The following HTR4 variants were observed in gnomAD, a reference collection of about 807,000 sequenced individuals.
HTR4 encodes 5-hydroxytryptamine (serotonin) receptor 4, G protein-coupled.
Under a neutral mutation model 36.8 loss-of-function variants are expected in HTR4, and 16 were observed. The observed-to-expected ratio is 0.43, with a 90% CI of 0.29 to 0.66. HTR4 has a LOEUF of 0.66. HTR4 is among the 30% of genes least tolerant of loss of function. The pLI is 0.13. For synonymous variants in HTR4, 189 were observed against 185.1 expected (o/e 1.02, Z -0.17); for missense variants, 438 against 490.9 (o/e 0.89, Z 1.02).
intron 2 of HTR4, among the ~76,000 whole-genome samples, chr5:148,623,649 A>AT (rs1164022596): frequency 6.6e-6 from 1 of 152,144 alleles, no homozygotes; most frequent in Non-Finnish European, 1.5e-5. Context: ...CAGGACAGGA[A>AT]TTTTCAAGCC....
chr5:148,572,125 G>A (rs931086274), intron 2 of HTR4, among the ~76,000 whole-genome samples: 2 of 152,016 alleles, frequency 1.3e-5, no homozygotes, highest in Admixed American at 1.3e-4. Flanking sequence ...ATATAATAAG[G>A]GTATCCCCTT....
chr5:148,496,090 A>G (rs964877219), intron 6 of HTR4, among the ~76,000 whole-genome samples: 1 of 152,170 alleles, frequency 6.6e-6, no homozygotes, highest in African/African-American at 2.4e-5. Context: ...ACAGTGTGAG[A>G]CTCCGCCTCA....
intron 6 of HTR4, among the ~76,000 whole-genome samples, chr5:148,491,835 C>T (rs1468529092): frequency 6.6e-6 from 1 of 152,140 alleles, no homozygotes; most frequent in East Asian, 1.9e-4. Flanking sequence ...AGAAGACAGG[C>T]CTCCTGCTCT....
At chr5:148,499,715 A>T (rs1024322525) in intron 6 of HTR4, among the ~76,000 whole-genome samples, 4 of 152,200 alleles carry the variant, frequency 2.6e-5, no homozygotes, top group Admixed American at 6.5e-5. Context: ...GTTGAAGTGT[A>T]ATCTCCAGAG....
chr5:148,516,365 G>T (rs1178105123), intron 5 of HTR4, among the ~76,000 whole-genome samples: 2 of 135,098 alleles, frequency 1.5e-5, no homozygotes, highest in African/African-American at 5.6e-5. Context: ...TGTCACCCAG[G>T]CTGGAGTGCA....
At position 148,482,234 on chromosome 5, in the gene HTR4, C is replaced by G; in HGVS notation, c.*969G>C. On this transcript the variant is annotated 3_prime_UTR_variant, in exon 7 of 7. Coordinates refer to ENST00000377888, the MANE Select transcript of HTR4 (RefSeq NM_000870.7). ...AAATGAGTTTCCCCAGTGTGAACTTCCAACAGTTATCTCCTTTGGCAGCAA... is the reference window on the plus strand; with the variant it reads ...AAATGAGTTTCCCCAGTGTGAACTTGCAACAGTTATCTCCTTTGGCAGCAA... 1.0e-6 allele frequency: 1 copy of G among 985,522 alleles called. No individual in the cohort carries two copies. Among genetic ancestry groups the G allele is most frequent in the Non-Finnish European group, 1.2e-6 (1 of 830,034 alleles). 61.0% of individuals were successfully genotyped at this position (985,522 alleles called of 1,614,324 possible). A position where few individuals can be genotyped will look rare whatever the true frequency, so the allele number is the denominator to read the frequency against.
At chr5:148,551,372 C>T (rs1050173411) in intron 2 of HTR4, among the ~76,000 whole-genome samples, 5 of 152,256 alleles carry the variant, frequency 3.3e-5, no homozygotes, top group Non-Finnish European at 4.4e-5. Flanking sequence ...CCTTTCACCA[C>T]CCTGATCATT....
intron 4 of HTR4, among the ~76,000 whole-genome samples, chr5:148,524,062 A>C (rs1228941691): frequency 6.6e-6 from 1 of 151,762 alleles, no homozygotes; most frequent in African/African-American, 2.4e-5. Context: ...GCTGAATCAA[A>C]CTCACCTGAG....
At chr5:148,516,591 T>C (rs907521119) in intron 5 of HTR4, among the ~76,000 whole-genome samples, 1 of 151,900 alleles carries the variant, frequency 6.6e-6, no homozygotes, top group Non-Finnish European at 1.5e-5. Flanking sequence ...GTGCTGGGAT[T>C]ACAGGCGTGA....
intron 5 of HTR4, among the ~76,000 whole-genome samples, chr5:148,457,323 C>T (rs141850812): frequency 6.6e-6 from 1 of 152,238 alleles, no homozygotes; most frequent in Non-Finnish European, 1.5e-5. Context: ...CAAGCGACAA[C>T]TCCCTTCAAG....
intron 5 of HTR4, among the ~76,000 whole-genome samples, chr5:148,454,015 T>C (rs564037368): frequency 3.3e-5 from 5 of 152,320 alleles, no homozygotes; most frequent in African/African-American, 1.2e-4. Context: ...TTCACAACTT[T>C]TCTCAGGCCC....
intron 6 of HTR4, among the ~76,000 whole-genome samples, chr5:148,505,790 A>G (rs1757168542): frequency 6.6e-6 from 1 of 152,228 alleles, no homozygotes; most frequent in Admixed American, 6.5e-5. Context: ...CAAAGAGAAT[A>G]AAATACCTAG....
intron 2 of HTR4, among the ~76,000 whole-genome samples, chr5:148,561,152 G>A (rs1760186358): frequency 6.6e-6 from 1 of 152,142 alleles, no homozygotes. Context: ...CTGCAAACAT[G>A]CAGAGTAAAA....
chr5:148,629,348 T>C lies in HTR4; in HGVS notation c.26+7641A>G, dbSNP rs1431543256. 5 of 152,202 alleles carry C rather than the reference T, an allele frequency of 3.3e-5. No individual in the cohort carries two copies. The East Asian group carries it at 9.6e-4, about 29-fold the overall frequency. The allele number at this position is 152,202 out of a possible 1,614,324, so 9.4% of individuals were successfully genotyped here. On this transcript the variant is annotated intron_variant, in intron 2 of 6. Transcript: ENST00000377888. Reference sequence around the variant, plus strand: ...ACAATGCTTGCTTCTGAAATACTTCTATCTCAAGCAATTTTAGTATGGGGC... The same window carrying C: ...ACAATGCTTGCTTCTGAAATACTTCCATCTCAAGCAATTTTAGTATGGGGC...
chr5:148,467,609 A>G (rs1755461285), intron 5 of HTR4, among the ~76,000 whole-genome samples: 1 of 152,222 alleles, frequency 6.6e-6, no homozygotes, highest in South Asian at 2.1e-4. Context: ...TTAAGATGAA[A>G]TCTAAGGTAT....
chr5:148,629,686 TCAAG>T (rs1346990201), intron 2 of HTR4: 3 of 152,126 alleles, frequency 2.0e-5, no homozygotes, highest in African/African-American at 7.2e-5. Context: ...CTTCCTGCAG[TCAAG>T]CAGATTGAGA....
chr5:148,545,224 A>T (rs891769797), intron 4 of HTR4, among the ~76,000 whole-genome samples: 1 of 151,964 alleles, frequency 6.6e-6, no homozygotes, highest in South Asian at 2.1e-4. Context: ...AACAAAAGAA[A>T]CCCCATCTGA....
chr5:148,506,371 T>G (rs1757213106), intron 6 of HTR4, among the ~76,000 whole-genome samples: 2 of 152,100 alleles, frequency 1.3e-5, no homozygotes, highest in African/African-American at 4.8e-5. Context: ...AAAAAATTAA[T>G]TCAAGATGGA....
At chr5:148,460,944 T>C (rs1755261881) in intron 5 of HTR4, among the ~76,000 whole-genome samples, 1 of 152,034 alleles carries the variant, frequency 6.6e-6, no homozygotes, top group Non-Finnish European at 1.5e-5. Context: ...TATGTGTAAA[T>C]GAAATGAATG....
Sources: gnomAD v4.1 joint callset for allele counts (sites outside exome capture counted in the v4.1 genomes callset) on GRCh38, gnomAD v4.1.1 for gene constraint, MANE v1.5 for transcripts, NCBI Gene and HGNC (gene_info 2026-07-23, HGNC 2026-07-21) for gene names.